The following RPL3 variants were observed in gnomAD, a reference collection of about 807,000 sequenced individuals.
The protein encoded by RPL3 is ribosomal protein L3.
In RPL3, 3 loss-of-function variants were observed where a neutral mutation model predicts 46.0. That is an observed-to-expected ratio of 0.07 (90% CI 0.03 to 0.17). The LOEUF is 0.17. RPL3 is among the 10% of genes least tolerant of loss of function. The pLI, the probability that RPL3 is intolerant of heterozygous loss-of-function variation, is 1.00. For missense variants in RPL3, 387 were observed against 532.7 expected, an observed-to-expected ratio of 0.73 and a Z score of 2.69; for synonymous variants, 224 against 190.8, an observed-to-expected ratio of 1.17 and a Z score of -1.43.
intron 2 of RPL3, 36 bp from the exon 3 acceptor site, chr22:39,317,665 G>A (rs770649438): frequency 7.5e-6 from 12 of 1,607,060 alleles, no homozygotes; most frequent in African/African-American, 1.3e-5. Flanking sequence ...CTTGGCAGGA[G>A]CCCAAGCAAG....
At position 39,313,649 on chromosome 22, in the gene RPL3, C is replaced by A. The variant is rs1922497479; in HGVS notation, c.1032G>T (p.Val344=). ...KGCVVGTKKR[V]LTLRKSLLVQ... The stretch of plus-strand genomic sequence containing the variant: ...CCTGCCTCACCTTGCGGAGGGTGAG[C>A]ACCCGCTTCTTGGTTCCCACCACAC... Residue 344 remains valine (V), a synonymous_variant, in exon 8 of 10, where the codon GTG becomes GTT. Coordinates refer to ENST00000216146, the MANE Select transcript of RPL3 (RefSeq NM_000967.4). The A allele has an allele frequency of 1.2e-6, 2 of 1,613,884 alleles. No homozygotes were observed. Among genetic ancestry groups the A allele is most frequent in the Non-Finnish European group, 1.7e-6 (2 of 1,179,978 alleles).
chr22:39,313,924 C>A (rs185192273), intron 7 of RPL3, 183 bp downstream of exon 7: 4 of 833,462 alleles, frequency 4.8e-6, no homozygotes, highest in South Asian at 4.0e-5. Flanking sequence ...AGCCTGAGAC[C>A]CCACTTCTCA....
chr22:39,319,136 T>G (rs767061065), intron 1 of RPL3: 1 of 541,418 alleles, frequency 1.8e-6, no homozygotes, highest in South Asian at 1.4e-5. Flanking sequence ...TCCAGAGGCC[T>G]TCGGAGTGCA....
Position 39,317,595 on chromosome 22 carries a change from G to C in RPL3, c.231C>G (p.Thr77=). Residue 77 remains threonine, a synonymous_variant, in exon 3 of 10, where the codon ACC becomes ACG. Coordinates refer to ENST00000216146, the MANE Select transcript of RPL3 (RefSeq NM_000967.4). Reference sequence around the variant, plus strand: ...CCACCATGGGTGGTGTCTCTACAATGGTCACAGCCTCCACCACCTCCTTCT... The same window carrying C: ...CCACCATGGGTGGTGTCTCTACAATCGTCACAGCCTCCACCACCTCCTTCT... The part of the protein sequence containing the change: ...VNKKEVVEAV[T]IVETPPMVVV... 6.2e-7 allele frequency: 1 copy of C among 1,613,902 alleles called. No individual in the cohort carries two copies. The highest frequency in any genetic ancestry group is 8.5e-7 in the Non-Finnish European group (1 of 1,179,844).
chr22:39,314,457 A>G (rs532727573), intron 6 of RPL3: 18 of 636,678 alleles, frequency 2.8e-5, no homozygotes, highest in African/African-American at 1.3e-4. Context: ...TCAGGGACCA[A>G]TAAGACTAGT....
rs752093865 is a variant in RPL3 at position 39,316,970 on chromosome 22, T to C, written c.366-129A>G. The stretch of plus-strand genomic sequence containing the variant: ...CATTGCCGGCTTCTAAGGAGCCTTT[T>C]CCACCAGCAAGCGGAGCCTGGATGG... On this transcript the variant is annotated intron_variant, in intron 3 of 9. Coordinates refer to ENST00000216146, the MANE Select transcript of RPL3 (RefSeq NM_000967.4). 36 of 1,462,784 alleles carry C rather than the reference T, an allele frequency of 2.5e-5. 1 individual carries two copies. The African/African-American group carries it at 3.1e-4, about 12-fold the overall frequency. 90.6% of individuals were successfully genotyped at this position (1,462,784 alleles called of 1,614,324 possible). A position where few individuals can be genotyped will look rare whatever the true frequency, so the allele number is the denominator to read the frequency against.
intron 7 of RPL3, 60 bp downstream of exon 7, chr22:39,314,047 C>T: frequency 7.0e-7 from 1 of 1,425,408 alleles, no homozygotes; most frequent in Non-Finnish European, 9.9e-7. Context: ...TAGGAAGCAG[C>T]CTATCCCCAA....
rs1922724638 is a variant in RPL3, at chr22:39,316,799, T to C, written c.408A>G (p.Lys136=). 2 of 1,614,098 alleles carry C rather than the reference T, an allele frequency of 1.2e-6. No homozygotes were observed. Among genetic ancestry groups the C allele is most frequent in the African/African-American group, 1.3e-5 (1 of 75,050 alleles). Residue 136 remains lysine (K), a synonymous_variant, in exon 4 of 10, where the codon AAA becomes AAG. Transcript: ENST00000216146. ...KKKAFTKYCK[K]WQDEDGKKQL... is the part of the protein sequence containing the mutation. Reference sequence around the variant, plus strand: ...GCTTCTTGCCATCCTCATCCTGCCATTTCTTGCAGTACTTGGTAAAGGCCT... The same window carrying C: ...GCTTCTTGCCATCCTCATCCTGCCACTTCTTGCAGTACTTGGTAAAGGCCT...
chr22:39,319,274 C>G (rs1922901350), intron 1 of RPL3: 1 of 517,228 alleles, frequency 1.9e-6, no homozygotes, highest in African/African-American at 1.9e-5. Context: ...AGGTTATGGG[C>G]CCTAATCCCA....
chr22:39,315,661 G>A (rs1441111026), intron 4 of RPL3, 106 bp from the exon 5 acceptor site: 7 of 1,342,100 alleles, frequency 5.2e-6, no homozygotes, highest in African/African-American at 2.9e-5. Context: ...ACGGCAAAAA[G>A]CCAGTAACTC....
At chr22:39,315,596 C>T in intron 4 of RPL3, 41 bp from the exon 5 acceptor site, 1 of 1,609,784 alleles carries the variant, frequency 6.2e-7, no homozygotes, top group Non-Finnish European at 8.5e-7. Context: ...GCTGCCAGCG[C>T]TCCTCCCACA....
chr22:39,313,114 C>A, intron 9 of RPL3, 77 bp downstream of exon 9: 1 of 1,597,280 alleles, frequency 6.3e-7, no homozygotes, highest in Non-Finnish European at 8.5e-7. Context: ...AAGACCACCC[C>A]TACCCCGGCT....
Position 39,315,528 on chromosome 22 carries a change from T to C in RPL3, c.529A>G (p.Lys177Glu), listed in dbSNP as rs758485930. The C allele has an allele frequency of 1.1e-5, 18 of 1,614,106 alleles. No homozygotes were observed. The highest frequency in any genetic ancestry group is 1.6e-4 in the Middle Eastern group (1 of 6,062). ...QMRLLPLRQK[K>E]AHLMEIQVNG... ...ACCTGGATCTCCATCAGGTGGGCCTTCTTCTGGCGCAGAGGAAGCAGGCGC... is the reference window on the plus strand; with the variant it reads ...ACCTGGATCTCCATCAGGTGGGCCTCCTTCTGGCGCAGAGGAAGCAGGCGC... Residue 177 changes from lysine to glutamate, a missense_variant, in exon 5 of 10, where the codon AAG becomes GAG. Physicochemically the swap from Lys to Glu is moderately conservative, Grantham distance 56. This residue lies in a region of RPL3 where 196 missense variants were observed against 217.5 expected (regional missense o/e 0.90). Transcript: ENST00000216146.
chr22:39,317,276 A>C, intron 3 of RPL3, 185 bp downstream of exon 3: 1 of 691,944 alleles, frequency 1.4e-6, no homozygotes, highest in South Asian at 2.0e-5. Flanking sequence ...TGAGGGTGTT[A>C]GCTTCCGGCT....
At position 39,317,541 on chromosome 22, in the gene RPL3, G is replaced by A. The variant is rs1361210027; in HGVS notation, c.285C>T (p.Thr95=). 2 of 1,613,822 alleles carry A rather than the reference G, an allele frequency of 1.2e-6. No homozygotes were observed. Among genetic ancestry groups the A allele is most frequent in the Non-Finnish European group, 1.7e-6 (2 of 1,179,856 alleles). Residue 95 remains threonine, a synonymous_variant, in exon 3 of 10, where the codon ACC becomes ACT. Coordinates refer to ENST00000216146, the MANE Select transcript of RPL3 (RefSeq NM_000967.4). ...TCTTGAAGGTCCGGAGGCCTCGAGG[G>A]GTTTCCACGTAGCCCACAATGCCCA... The part of the protein sequence containing the change: ...VVVGIVGYVE[T]PRGLRTFKTV...
chr22:39,319,199 T>C, intron 1 of RPL3: 1 of 543,526 alleles, frequency 1.8e-6, no homozygotes, highest in South Asian at 1.4e-5. Flanking sequence ...TCCCCCAAGC[T>C]TCTTTACCTC....
rs757548743 is a variant in RPL3 at position 39,313,188 on chromosome 22, C to T, written c.1167+3G>A. On this transcript the variant is annotated splice_donor_region_variant and intron_variant, in intron 9 of 9. Coordinates refer to ENST00000216146, the MANE Select transcript of RPL3 (RefSeq NM_000967.4). ...AGCGAGGGGGGCAGGCAGAGGTGCTCACCATGAATGCTTTCTTCTCCTCCA... is the reference window on the plus strand; with the variant it reads ...AGCGAGGGGGGCAGGCAGAGGTGCTTACCATGAATGCTTTCTTCTCCTCCA... 2 of 1,607,538 alleles carry T rather than the reference C, an allele frequency of 1.2e-6. No homozygotes were observed. The highest frequency in any genetic ancestry group is 1.7e-6 in the Non-Finnish European group (2 of 1,177,046).
rs748126288 is a variant in RPL3, at chr22:39,313,628, C to G, written c.1047+6G>C. ...CCCCCCCATGACAAGTCAGGACCTGCCTCACCTTGCGGAGGGTGAGCACCC... is the reference window on the plus strand; with the variant it reads ...CCCCCCCATGACAAGTCAGGACCTGGCTCACCTTGCGGAGGGTGAGCACCC... On this transcript the variant is annotated splice_donor_region_variant and intron_variant, in intron 8 of 9. Coordinates refer to ENST00000216146, the MANE Select transcript of RPL3 (RefSeq NM_000967.4). The G allele has an allele frequency of 9.3e-6, 15 of 1,613,052 alleles. No homozygotes were observed. The highest frequency in any genetic ancestry group is 1.1e-5 in the Non-Finnish European group (13 of 1,179,712).
Position 39,318,446 on chromosome 22 carries a change from C to T in RPL3, c.150G>A (p.Lys50=), listed in dbSNP as rs1922841222. 6.2e-7 allele frequency: 1 copy of T among 1,614,050 alleles called. No homozygotes were observed. Among genetic ancestry groups the T allele is most frequent in the Non-Finnish European group, 8.5e-7 (1 of 1,179,956 alleles). The change falls in exon 2 of 10, where the codon AAG becomes AAA. Residue 50 remains lysine (K), a synonymous_variant. Transcript: ENST00000216146. ...CCCGCACGATGTGAGTCATGCCAGCCTTGTATCCCAGGAAGGCTGTGAGGT... is the reference window on the plus strand; with the variant it reads ...CCCGCACGATGTGAGTCATGCCAGCTTTGTATCCCAGGAAGGCTGTGAGGT... ...PVHLTAFLGY[K]AGMTHIVREV...
Sources: gnomAD v4.1 joint callset for allele counts on GRCh38, gnomAD v4.1.1 for gene constraint, gnomAD v4.1.1 regional missense constraint, MANE v1.5 for transcripts, NCBI Gene and HGNC (gene_info 2026-07-23, HGNC 2026-07-21) for gene names.